The following SHISA9 variants were observed in gnomAD, a reference collection of about 807,000 sequenced individuals.
The protein encoded by SHISA9 is protein shisa-9.
Under a neutral mutation model 38.0 loss-of-function variants are expected in SHISA9, and 13 were observed. The ratio of observed to expected loss-of-function variants is 0.34; its 90% CI spans 0.22 to 0.54. The LOEUF is 0.54. Ranked by LOEUF, SHISA9 falls within the 20% of genes least tolerant of loss-of-function variation. The pLI, the probability that SHISA9 is intolerant of heterozygous loss-of-function variation, is 0.91. For missense variants in SHISA9, 538 were observed against 575.8 expected (o/e 0.93, Z 0.67); for synonymous variants, 275 against 242.0 (o/e 1.14, Z -1.27).
chr16:13,547,200 G>C, the SHISA9 span, among the ~76,000 whole-genome samples: 1 of 151,990 alleles, frequency 6.6e-6, no homozygotes, highest in African/African-American at 2.4e-5. Context: ...GTGAATGCCA[G>C]TAATGGAAAA....
At chr16:12,967,052 T>A (rs987269868) in intron 2 of SHISA9, among the ~76,000 whole-genome samples, 7 of 152,188 alleles carry the variant, frequency 4.6e-5, no homozygotes, top group African/African-American at 1.4e-4. Context: ...GCCATCCCAT[T>A]ACTGGGATTA....
At chr16:12,955,195 G>T (rs1409445412) in intron 2 of SHISA9, among the ~76,000 whole-genome samples, 1 of 152,086 alleles carries the variant, frequency 6.6e-6, no homozygotes, top group Non-Finnish European at 1.5e-5. Context: ...TAGACAATGG[G>T]CATGTCAGGA....
chr16:12,956,144 T>TAA (rs1427213908), intron 2 of SHISA9, among the ~76,000 whole-genome samples: 1 of 152,172 alleles, frequency 6.6e-6, no homozygotes, highest in South Asian at 2.1e-4. Flanking sequence ...CAATAAGCAC[T>TAA]AATCATTAGA....
the SHISA9 span, among the ~76,000 whole-genome samples, chr16:13,330,843 T>C: frequency 6.6e-6 from 1 of 152,156 alleles, no homozygotes; most frequent in Non-Finnish European, 1.5e-5. Context: ...CAGCGGGGAA[T>C]GATATCTAGC....
At chr16:13,114,488 A>AAAAG (rs1555462877) in intron 2 of SHISA9, among the ~76,000 whole-genome samples, 2 of 149,518 alleles carry the variant, frequency 1.3e-5, no homozygotes. Flanking sequence ...AAAAAAAAAA[A>AAAAG]GACGAAAAAT....
At chr16:13,056,656 C>T (rs780846632) in intron 2 of SHISA9, among the ~76,000 whole-genome samples, 4 of 152,324 alleles carry the variant, frequency 2.6e-5, no homozygotes, top group South Asian at 2.1e-4. Context: ...TTAGCTAAGT[C>T]ACCTCACCTG....
intron 2 of SHISA9, among the ~76,000 whole-genome samples, chr16:13,193,099 T>C (rs1240340085): frequency 1.3e-5 from 2 of 152,194 alleles, no homozygotes; most frequent in Non-Finnish European, 2.9e-5. Context: ...GGTGGTTCAA[T>C]GCGTGGTTCA....
chr16:13,509,901 C>T, the SHISA9 span, among the ~76,000 whole-genome samples: 3 of 152,194 alleles, frequency 2.0e-5, no homozygotes, highest in Non-Finnish European at 4.4e-5. Context: ...CTCTAAGCCT[C>T]ATTTTCCTCA....
the SHISA9 span, among the ~76,000 whole-genome samples, chr16:13,358,642 C>T: frequency 6.6e-6 from 1 of 152,198 alleles, no homozygotes; most frequent in Non-Finnish European, 1.5e-5. Context: ...TTCACCAATA[C>T]ATTCAGCATA....
the SHISA9 span, among the ~76,000 whole-genome samples, chr16:13,556,118 G>T: frequency 1.3e-5 from 2 of 152,186 alleles, no homozygotes; most frequent in African/African-American, 4.8e-5. Context: ...ATCTCCCTGA[G>T]TTCCTCCTTC....
chr16:12,925,274 G>A (rs1158753428), intron 2 of SHISA9, among the ~76,000 whole-genome samples: 1 of 152,124 alleles, frequency 6.6e-6, no homozygotes, highest in African/African-American at 2.4e-5. Flanking sequence ...CCTGTTCTTT[G>A]CCATTTGTTC....
the SHISA9 span, among the ~76,000 whole-genome samples, chr16:13,268,123 A>G: frequency 6.6e-6 from 1 of 151,970 alleles, no homozygotes; most frequent in South Asian, 2.1e-4. Flanking sequence ...TCTCAATTCT[A>G]TTGTGATCAA....
chr16:12,920,964 C>G (rs1010293768), intron 2 of SHISA9, among the ~76,000 whole-genome samples: 1 of 152,138 alleles, frequency 6.6e-6, no homozygotes, highest in Non-Finnish European at 1.5e-5. Flanking sequence ...AAGCCAGAAG[C>G]GATTACAAAG....
chr16:12,919,892 T>C (rs2071305767), intron 2 of SHISA9, among the ~76,000 whole-genome samples: 1 of 152,232 alleles, frequency 6.6e-6, no homozygotes. Context: ...GGTGATTTTC[T>C]GCAAATGCTC....
intron 2 of SHISA9, among the ~76,000 whole-genome samples, chr16:12,961,685 A>G (rs2071914181): frequency 6.6e-6 from 1 of 152,186 alleles, no homozygotes; most frequent in African/African-American, 2.4e-5. Context: ...AATGTTAGTG[A>G]ACACAGAGCC....
chr16:13,335,205 C>T, the SHISA9 span, among the ~76,000 whole-genome samples: 20 of 152,282 alleles, frequency 1.3e-4, no homozygotes, highest in Admixed American at 1.0e-3. Context: ...CTAGTCAGAC[C>T]GGCTTTCTCT....
chr16:12,922,458 T>C (rs1357587327), intron 2 of SHISA9, among the ~76,000 whole-genome samples: 2 of 152,230 alleles, frequency 1.3e-5, no homozygotes, highest in Non-Finnish European at 2.9e-5. Context: ...GGCTATCTCA[T>C]TAGAGAGGAC....
the SHISA9 span, among the ~76,000 whole-genome samples, chr16:13,364,674 C>G: frequency 6.6e-6 from 1 of 152,132 alleles, no homozygotes. Context: ...TTGGATCAAG[C>G]CCTGGAAGAG....
At chr16:12,955,807 G>A (rs1041816744) in intron 2 of SHISA9, among the ~76,000 whole-genome samples, 1 of 152,062 alleles carries the variant, frequency 6.6e-6, no homozygotes, top group African/African-American at 2.4e-5. Context: ...AAAAATCCTA[G>A]AAGAAAACCT....
Sources: gnomAD v4.1 joint callset for allele counts (sites outside exome capture counted in the v4.1 genomes callset) on GRCh38, gnomAD v4.1.1 for gene constraint, MANE v1.5 for transcripts, NCBI Gene and HGNC (gene_info 2026-07-23, HGNC 2026-07-21) for gene names.